Variants in COL22A1 observed in about 807,000 individuals in gnomAD.
COL22A1 encodes the protein collagen type XXII alpha 1 chain.
A neutral mutation model predicts 248.9 loss-of-function variants in COL22A1; 221 were observed. That is an observed-to-expected ratio of 0.89 (90% confidence interval 0.80 to 0.99). COL22A1 has a LOEUF of 0.99. COL22A1 is among the 50% of genes least tolerant of loss of function. The pLI, the probability that COL22A1 is intolerant of heterozygous loss-of-function variation, is 0.00. For synonymous variants in COL22A1, 891 were observed against 793.4 expected (o/e 1.12, Z -2.07); for missense variants, 2,240 against 2,179.0 (o/e 1.03, Z -0.56).
At chr8:138,673,413 T>C (rs772669689) in intron 41 of COL22A1, among the ~76,000 whole-genome samples, 47 of 152,080 alleles carry the variant, frequency 3.1e-4, no homozygotes, top group Non-Finnish European at 6.2e-4. Context: ...TTTCACCATG[T>C]TGCCAGGCTG....
At chr8:138,857,442 C>T (rs12675384) in intron 3 of COL22A1, among the ~76,000 whole-genome samples, 58,136 of 152,132 alleles carry the variant, frequency 0.38, 12,052 homozygotes, top group African/African-American at 0.56. Context: ...ACCTGGCCCC[C>T]GAGGCCGATC....
intron 12 of COL22A1, among the ~76,000 whole-genome samples, chr8:138,791,909 A>ATT (rs939568584): frequency 6.6e-6 from 1 of 150,516 alleles, no homozygotes; most frequent in African/African-American, 2.4e-5. Context: ...TTGCTTGCTG[A>ATT]TTTTTTTTTT....
intron 16 of COL22A1, among the ~76,000 whole-genome samples, chr8:138,770,926 G>A (rs1276552293): frequency 6.6e-6 from 1 of 152,208 alleles, no homozygotes; most frequent in Non-Finnish European, 1.5e-5. Flanking sequence ...AGCACATGCT[G>A]CCCAGAACCT....
chr8:138,909,519 C>T (rs1047884784), intron 1 of COL22A1, among the ~76,000 whole-genome samples: 12 of 152,040 alleles, frequency 7.9e-5, no homozygotes, highest in African/African-American at 2.9e-4. Context: ...CCTTAGGATA[C>T]AGTTTCAACC....
intron 35 of COL22A1, among the ~76,000 whole-genome samples, chr8:138,692,509 G>A (rs952648851): frequency 7.1e-6 from 1 of 140,102 alleles, no homozygotes; most frequent in Non-Finnish European, 1.5e-5. Context: ...GTGTGTGTGT[G>A]TTGGCTTTGA....
At chr8:138,611,506 AT>A (rs1376929606) in intron 56 of COL22A1, among the ~76,000 whole-genome samples, 1 of 152,144 alleles carries the variant, frequency 6.6e-6, no homozygotes, top group Non-Finnish European at 1.5e-5. Context: ...GGTTTCTCAA[AT>A]TTTTGTCCTT....
intron 12 of COL22A1, among the ~76,000 whole-genome samples, chr8:138,782,664 C>T (rs1321253852): frequency 6.6e-6 from 1 of 152,208 alleles, no homozygotes; most frequent in Non-Finnish European, 1.5e-5. Context: ...CAGAGTCCCA[C>T]TGGCCTCAGG....
chr8:138,677,523 G>A (rs896671031), intron 40 of COL22A1, among the ~76,000 whole-genome samples: 3 of 96,442 alleles, frequency 3.1e-5, no homozygotes, highest in Non-Finnish European at 4.2e-5. Flanking sequence ...CGCCTTATTC[G>A]TAATTTCAAA....
At chr8:138,803,946 A>G (rs1009706210) in intron 10 of COL22A1, among the ~76,000 whole-genome samples, 3 of 152,050 alleles carry the variant, frequency 2.0e-5, no homozygotes, top group African/African-American at 7.3e-5. Flanking sequence ...GTTCCTGTCT[A>G]TTCTACTGGA....
chr8:138,870,556 G>T (rs986361531), intron 3 of COL22A1, among the ~76,000 whole-genome samples: 1 of 151,826 alleles, frequency 6.6e-6, no homozygotes, highest in Admixed American at 6.6e-5. Flanking sequence ...TGTGTATGTG[G>T]TGCGTGTGGT....
At chr8:138,746,179 T>C (rs1291088766) in intron 22 of COL22A1, among the ~76,000 whole-genome samples, 4 of 152,210 alleles carry the variant, frequency 2.6e-5, no homozygotes, top group African/African-American at 9.6e-5. Flanking sequence ...ATCTCTAAAA[T>C]AAAGGGCCTG....
chr8:138,659,621 A>G (rs1291248016), intron 44 of COL22A1, among the ~76,000 whole-genome samples: 1 of 152,052 alleles, frequency 6.6e-6, no homozygotes, highest in African/African-American at 2.4e-5. Context: ...GCACATCCCC[A>G]CTGCTCCTTC....
At chr8:138,845,110 C>A (rs1321842983) in intron 3 of COL22A1, among the ~76,000 whole-genome samples, 1 of 152,076 alleles carries the variant, frequency 6.6e-6, no homozygotes, top group Non-Finnish European at 1.5e-5. Flanking sequence ...AGGCAAATTC[C>A]AAACAAGTAA....
At chr8:138,818,914 TAAAC>T (rs1427198257) in intron 7 of COL22A1, among the ~76,000 whole-genome samples, 3 of 152,276 alleles carry the variant, frequency 2.0e-5, no homozygotes, top group East Asian at 3.9e-4. Flanking sequence ...ATCTAACAGA[TAAAC>T]AAAGCCTGGA....
intron 1 of COL22A1, among the ~76,000 whole-genome samples, chr8:138,901,450 T>G (rs1814562202): frequency 6.9e-6 from 1 of 144,350 alleles, no homozygotes; most frequent in Non-Finnish European, 1.5e-5. Context: ...CACTGCAGCC[T>G]CTACCTCCCA....
chr8:138,635,074 A>T lies in COL22A1; in HGVS notation c.3556-11T>A, dbSNP rs747171947. 4.2e-5 allele frequency: 68 copies of T among 1,601,152 alleles called. No individual in the cohort carries two copies. The highest frequency in any genetic ancestry group is 5.5e-5 in the Non-Finnish European group (65 of 1,173,810). ...AACTCCAGGATGACCCTAGGAAAAC[A>T]CAAGATGCAATTCTTTAAAATGACT... On this transcript the variant is annotated splice_polypyrimidine_tract_variant and intron_variant, in intron 48 of 64. Transcript: ENST00000303045.
chr8:138,589,409 A>G lies in COL22A1; in HGVS notation c.4725T>C (p.Asp1575=), dbSNP rs764907766. The G allele has an allele frequency of 6.3e-7, 1 of 1,585,244 alleles. No individual in the cohort carries two copies. The highest frequency in any genetic ancestry group is 8.6e-7 in the Non-Finnish European group (1 of 1,166,916). The change falls in exon 65 of 65, where the codon GAT becomes GAC. Residue 1575 remains aspartate (D), a synonymous_variant. Coordinates refer to ENST00000303045, the MANE Select transcript of COL22A1 (RefSeq NM_152888.3). ...GAGGGCCAGGGATCCCAGGAAGTCCATCTTTAGCATAGCCAGGTTCCCCGG... is the reference window on the plus strand; with the variant it reads ...GAGGGCCAGGGATCCCAGGAAGTCCGTCTTTAGCATAGCCAGGTTCCCCGG... ...GQPGEPGYAK[D]GLPGIPGPQG...
chr8:138,819,603 A>G (rs1818937426), intron 7 of COL22A1, among the ~76,000 whole-genome samples: 1 of 148,294 alleles, frequency 6.7e-6, no homozygotes, highest in African/African-American at 2.4e-5. Context: ...ACATGTTTAT[A>G]TATTTATATA....
At chr8:138,873,776 T>A (rs1268336596) in intron 3 of COL22A1, among the ~76,000 whole-genome samples, 1 of 152,182 alleles carries the variant, frequency 6.6e-6, no homozygotes, top group Non-Finnish European at 1.5e-5. Context: ...ATGAAGGGAA[T>A]GTTTACTATA....
Sources: allele counts gnomAD v4.1 joint callset (sites outside exome capture counted in the v4.1 genomes callset), GRCh38; gene constraint gnomAD v4.1.1; transcripts MANE v1.5; gene names NCBI Gene and HGNC (gene_info 2026-07-23, HGNC 2026-07-21).